Variants in SCLT1 observed in about 807,000 individuals in gnomAD.
SCLT1 encodes sodium channel-associated protein 1.
SCLT1 carries 78 observed loss-of-function variants against 112.8 expected under a neutral mutation model. The observed-to-expected ratio is 0.69, with a 90% CI of 0.58 to 0.83. SCLT1 has a LOEUF of 0.83. SCLT1 is among the 40% of genes least tolerant of loss of function. SCLT1 has a pLI of 0.00. For missense variants in SCLT1, 747 were observed against 770.4 expected (o/e 0.97, Z 0.36); for synonymous variants, 257 against 254.7 (o/e 1.01, Z -0.09).
chr4:128,903,001 C>T (rs1734438430), intron 18 of SCLT1, among the ~76,000 whole-genome samples: 1 of 152,030 alleles, frequency 6.6e-6, no homozygotes, highest in African/African-American at 2.4e-5. Flanking sequence ...GGCACTGTCA[C>T]CTCCTTTGAT....
rs1468288274 is a variant in SCLT1 at position 129,039,895 on chromosome 4, C to CGCGCGCGCGCGT, written c.235-800_235-799insACGCGCGCGCGC. 50 of 203,214 alleles carry CGCGCGCGCGCGT rather than the reference C, an allele frequency of 2.5e-4. 1 individual carries two copies. The African/African-American group carries it at 2.8e-3, about 12-fold the overall frequency. 12.6% of individuals were successfully genotyped at this position (203,214 alleles called of 1,614,324 possible). ...TGAATGAGCAAATGGAGAGTGTGCG[C>CGCGCGCGCGCGT]GCGCGCACACACACACACACACACA... On this transcript the variant is annotated intron_variant, in intron 4 of 20. Transcript: ENST00000281142.
chr4:129,021,101 G>A (rs1745432218), intron 5 of SCLT1, among the ~76,000 whole-genome samples: 1 of 152,300 alleles, frequency 6.6e-6, no homozygotes, highest in South Asian at 2.1e-4. Context: ...AACCCATGGA[G>A]GATGAACAGA....
At chr4:129,070,705 C>A (rs1488742621) in intron 2 of SCLT1, among the ~76,000 whole-genome samples, 2 of 152,128 alleles carry the variant, frequency 1.3e-5, no homozygotes, top group South Asian at 4.2e-4. Context: ...CTTCAAGGAA[C>A]CAGCTTTTTG....
At chr4:128,919,487 C>G (rs1735718087) in intron 18 of SCLT1, among the ~76,000 whole-genome samples, 1 of 151,988 alleles carries the variant, frequency 6.6e-6, no homozygotes, top group African/African-American at 2.4e-5. Flanking sequence ...AAATTAACAA[C>G]TTAACATCAC....
At chr4:128,975,714 C>G (rs1741112393) in intron 9 of SCLT1, among the ~76,000 whole-genome samples, 1 of 152,010 alleles carries the variant, frequency 6.6e-6, no homozygotes, top group African/African-American at 2.4e-5. Flanking sequence ...TGTAATTACC[C>G]AGTATAATAA....
intron 14 of SCLT1, among the ~76,000 whole-genome samples, 181 bp from the exon 15 acceptor site, chr4:128,948,751 A>T (rs1476967780): frequency 1.3e-5 from 2 of 152,202 alleles, no homozygotes; most frequent in African/African-American, 4.8e-5. Context: ...GGATTGCAGA[A>T]ATTGCCTCCA....
At chr4:128,973,258 T>C (rs1740849653) in intron 9 of SCLT1, among the ~76,000 whole-genome samples, 1 of 152,142 alleles carries the variant, frequency 6.6e-6, no homozygotes, top group African/African-American at 2.4e-5. Context: ...ACTATAGAGA[T>C]TCTCCTTTGT....
chr4:129,081,458 G>A (rs1156944640), intron 2 of SCLT1, among the ~76,000 whole-genome samples: 1 of 152,218 alleles, frequency 6.6e-6, no homozygotes, highest in South Asian at 2.1e-4. Flanking sequence ...CCCAACACAG[G>A]CTATACAGGA....
rs186189055 is a variant in SCLT1 at position 129,024,330 on chromosome 4, G to A, written c.290+14711C>T. On this transcript the variant is annotated intron_variant, in intron 5 of 20. Coordinates refer to ENST00000281142, the MANE Select transcript of SCLT1 (RefSeq NM_144643.4). ...GGGCAGACTGACACCTCACATGGCC[G>A]GGTACTCCTCTGAGACAAAACTTCC... Among the ~76,000 whole-genome samples, 245 of 152,258 alleles carry A rather than the reference G, an allele frequency of 1.6e-3. 1 individual carries two copies. The highest frequency in any genetic ancestry group is 6.8e-3 in the Middle Eastern group (2 of 294).
At chr4:128,923,628 C>G (rs929939388) in intron 18 of SCLT1, among the ~76,000 whole-genome samples, 1 of 111,668 alleles carries the variant, frequency 9.0e-6, no homozygotes, top group Non-Finnish European at 1.8e-5. Flanking sequence ...AGTATATAGT[C>G]TTCTATATCT....
chr4:128,942,019 A>G (rs530726943), intron 17 of SCLT1, among the ~76,000 whole-genome samples: 2 of 152,204 alleles, frequency 1.3e-5, no homozygotes, highest in Non-Finnish European at 2.9e-5. Flanking sequence ...TCTTATGTTG[A>G]TAACACATTG....
intron 5 of SCLT1, among the ~76,000 whole-genome samples, chr4:129,014,663 A>G (rs1744835376): frequency 6.6e-6 from 1 of 152,182 alleles, no homozygotes; most frequent in African/African-American, 2.4e-5. Context: ...TCACTCCATG[A>G]GGTTAGAAAT....
At chr4:129,080,573 C>T (rs1751849595) in intron 2 of SCLT1, among the ~76,000 whole-genome samples, 2 of 152,194 alleles carry the variant, frequency 1.3e-5, no homozygotes, top group Non-Finnish European at 2.9e-5. Context: ...CCTCCTCAGC[C>T]TAGACTTCAC....
At chr4:129,032,796 C>T in intron 5 of SCLT1, among the ~76,000 whole-genome samples, 1 of 151,646 alleles carries the variant, frequency 6.6e-6, no homozygotes, top group South Asian at 2.1e-4. Flanking sequence ...CCACCTCACA[C>T]CAGTTAGAAT....
intron 5 of SCLT1, among the ~76,000 whole-genome samples, chr4:129,021,090 C>T (rs1446219897): frequency 6.6e-6 from 1 of 152,144 alleles, no homozygotes; most frequent in Non-Finnish European, 1.5e-5. Context: ...GCAGTGGGTC[C>T]AACCCATGGA....
At chr4:129,036,887 GCC>G (rs1277567200) in intron 5 of SCLT1, 3 of 151,520 alleles carry the variant, frequency 2.0e-5, no homozygotes, top group Non-Finnish European at 4.4e-5. Flanking sequence ...CTTTAAAAGA[GCC>G]CATGTTTTGA....
exon 4 of SCLT1, chr4:128,876,632 A>G (rs1330251330): frequency 2.0e-5 from 3 of 152,168 alleles, no homozygotes; most frequent in Admixed American, 6.5e-5. Context: ...GTAGGCTTTG[A>G]TTGTCTGGTC....
intron 1 of SCLT1, among the ~76,000 whole-genome samples, chr4:129,083,730 A>G (rs569727171): frequency 6.6e-6 from 1 of 152,304 alleles, no homozygotes; most frequent in Non-Finnish European, 1.5e-5. Context: ...TTTTGAAGTG[A>G]ACAATAGTGA....
intron 18 of SCLT1, among the ~76,000 whole-genome samples, chr4:128,897,643 T>A (rs1445256254): frequency 6.6e-6 from 1 of 152,148 alleles, no homozygotes; most frequent in Non-Finnish European, 1.5e-5. Context: ...GCTAACATCA[T>A]AATGACAGGA....
Sources: gnomAD v4.1 joint callset for allele counts (sites outside exome capture counted in the v4.1 genomes callset) on GRCh38, gnomAD v4.1.1 for gene constraint, MANE v1.5 for transcripts, NCBI Gene and HGNC (gene_info 2026-07-23, HGNC 2026-07-21) for gene names.